The following KIAA1328 variants were observed in gnomAD, a reference collection of about 807,000 sequenced individuals.
KIAA1328 encodes protein hinderin.
KIAA1328 carries 52 observed loss-of-function variants against 68.1 expected under a neutral mutation model. The observed-to-expected ratio is 0.76, with a 90% confidence interval of 0.61 to 0.96. The LOEUF (loss-of-function observed/expected upper bound fraction) is 0.96. Among genes scored for constraint, KIAA1328 ranks in the 40% least tolerant of loss-of-function variants. The pLI is 0.00. For missense variants in KIAA1328, 641 were observed against 677.6 expected (o/e 0.95, Z 0.60); for synonymous variants, 232 against 239.4 (o/e 0.97, Z 0.28).
intron 5 of KIAA1328, among the ~76,000 whole-genome samples, chr18:36,956,472 G>T (rs1281773518): frequency 6.7e-6 from 1 of 149,664 alleles, no homozygotes; most frequent in Non-Finnish European, 1.5e-5. Context: ...CGTTTTGTCC[G>T]CATTTTCCTA....
chr18:36,918,382 A>G (rs1355384016), intron 5 of KIAA1328, among the ~76,000 whole-genome samples: 1 of 148,876 alleles, frequency 6.7e-6, no homozygotes, highest in African/African-American at 2.5e-5. Flanking sequence ...CTAGCAACTT[A>G]AGATGCAAAT....
intron 7 of KIAA1328, among the ~76,000 whole-genome samples, chr18:37,141,688 T>C (rs1210880249): frequency 2.6e-5 from 4 of 152,220 alleles, no homozygotes; most frequent in African/African-American, 7.2e-5. Context: ...TTTCCAAAGC[T>C]ATATAACAAT....
intron 7 of KIAA1328, among the ~76,000 whole-genome samples, chr18:37,138,822 G>A (rs769261582): frequency 2.6e-4 from 39 of 151,884 alleles, no homozygotes; most frequent in Admixed American, 2.0e-4. Context: ...ATACAGAACC[G>A]ACACATAGTA....
intron 6 of KIAA1328, among the ~76,000 whole-genome samples, chr18:37,021,619 T>G (rs1409774424): frequency 6.6e-6 from 1 of 152,196 alleles, no homozygotes; most frequent in Non-Finnish European, 1.5e-5. Context: ...ATGAAGCAGT[T>G]AGAACATGAA....
At chr18:36,834,602 G>T (rs1056346660) in intron 2 of KIAA1328, among the ~76,000 whole-genome samples, 1 of 151,996 alleles carries the variant, frequency 6.6e-6, no homozygotes, top group Non-Finnish European at 1.5e-5. Flanking sequence ...TGTGGCAAGG[G>T]GCAAAAGATT....
chr18:36,885,636 G>A lies in KIAA1328; in HGVS notation c.412G>A (p.Glu138Lys). Residue 138 changes from glutamate to lysine, a missense_variant, in exon 5 of 10, where the codon GAA becomes AAA. By Grantham distance (56) the Glu-to-Lys change is moderately conservative. Transcript: ENST00000280020. ...ATTTGAGAAGAAGATCAGGCAGTTG[G>A]AAGAACAGAATGAACTGATCATCAA... ...ESFEKKIRQL[E>K]EQNELIIKER... 6.3e-7 allele frequency: 1 copy of A among 1,598,446 alleles called. No homozygotes were observed.
intron 9 of KIAA1328, among the ~76,000 whole-genome samples, chr18:37,216,988 TTGTTTG>T (rs2060454145): frequency 8.3e-6 from 1 of 120,550 alleles, no homozygotes; most frequent in Non-Finnish European, 1.7e-5. Flanking sequence ...TGTTTTTTTT[TTGTTTG>T]TTTTTTTTTT....
chr18:37,107,941 G>A (rs2057820526), intron 7 of KIAA1328, among the ~76,000 whole-genome samples: 1 of 151,592 alleles, frequency 6.6e-6, no homozygotes, highest in African/African-American at 2.4e-5. Context: ...GAATGTAAAC[G>A]CAGCCACTGT....
At chr18:37,203,817 T>TC (rs941521669) in intron 9 of KIAA1328, among the ~76,000 whole-genome samples, 42 of 151,964 alleles carry the variant, frequency 2.8e-4, no homozygotes, top group Non-Finnish European at 5.3e-4. Flanking sequence ...AGATTCTTTT[T>TC]TTTTTTTTTT....
intron 6 of KIAA1328, among the ~76,000 whole-genome samples, chr18:37,061,698 G>A (rs1474376458): frequency 6.6e-6 from 1 of 152,140 alleles, no homozygotes; most frequent in Non-Finnish European, 1.5e-5. Context: ...ACTTCCTTGT[G>A]TCCTAAAGGC....
At chr18:37,169,621 A>T (rs1262969581) in intron 8 of KIAA1328, among the ~76,000 whole-genome samples, 1 of 152,168 alleles carries the variant, frequency 6.6e-6, no homozygotes, top group East Asian at 1.9e-4. Flanking sequence ...AAAATTTATA[A>T]ATGGAACAAA....
chr18:37,085,256 G>T (rs1198668623), intron 7 of KIAA1328, among the ~76,000 whole-genome samples: 1 of 152,072 alleles, frequency 6.6e-6, no homozygotes, highest in Non-Finnish European at 1.5e-5. Flanking sequence ...TTACTGAGGT[G>T]GGCCTGATGT....
At chr18:36,994,895 T>C (rs1245844531) in intron 6 of KIAA1328, among the ~76,000 whole-genome samples, 2 of 152,038 alleles carry the variant, frequency 1.3e-5, no homozygotes, top group African/African-American at 4.8e-5. Context: ...GTGAATTAGG[T>C]TTCTGATTTG....
intron 3 of KIAA1328, among the ~76,000 whole-genome samples, chr18:36,841,967 T>C (rs1254369035): frequency 6.6e-6 from 1 of 152,216 alleles, no homozygotes; most frequent in Non-Finnish European, 1.5e-5. Context: ...TACGTGAGAT[T>C]TCTTTATGTT....
chr18:37,053,379 A>C (rs1444478394), intron 6 of KIAA1328, among the ~76,000 whole-genome samples: 4 of 152,192 alleles, frequency 2.6e-5, no homozygotes, highest in Non-Finnish European at 4.4e-5. Flanking sequence ...AAACTATAAA[A>C]ATTCTAGAAG....
At chr18:37,033,364 T>C (rs930262496) in intron 6 of KIAA1328, among the ~76,000 whole-genome samples, 2 of 152,242 alleles carry the variant, frequency 1.3e-5, no homozygotes, top group African/African-American at 4.8e-5. Flanking sequence ...GATTTTATTG[T>C]CTTCCTTTAC....
At chr18:36,904,626 A>AT (rs2049153102) in intron 5 of KIAA1328, among the ~76,000 whole-genome samples, 1 of 152,018 alleles carries the variant, frequency 6.6e-6, no homozygotes, top group Admixed American at 6.6e-5. Context: ...TTTAATGTGC[A>AT]TTTTTTATAG....
At chr18:36,854,981 A>G (rs533436251) in intron 4 of KIAA1328, among the ~76,000 whole-genome samples, 12 of 152,274 alleles carry the variant, frequency 7.9e-5, no homozygotes, top group African/African-American at 2.6e-4. Context: ...ATGTGTAGCA[A>G]TACTTCATTT....
chr18:37,221,079 G>A (rs191124510), intron 9 of KIAA1328, among the ~76,000 whole-genome samples: 119 of 152,104 alleles, frequency 7.8e-4, no homozygotes, highest in African/African-American at 2.3e-3. Flanking sequence ...CACCCACCTC[G>A]GCCTCCCAAA....
Sources: allele counts gnomAD v4.1 joint callset (sites outside exome capture counted in the v4.1 genomes callset), GRCh38; gene constraint gnomAD v4.1.1; transcripts MANE v1.5; gene names NCBI Gene and HGNC (gene_info 2026-07-23, HGNC 2026-07-21).